SLC24A3: variants seen among roughly 807,000 people sequenced by gnomAD.
SLC24A3 encodes the protein sodium/potassium/calcium exchanger 3.
SLC24A3 carries 28 observed loss-of-function variants against 75.8 expected under a neutral mutation model. The ratio of observed to expected loss-of-function variants is 0.37; its 90% CI spans 0.27 to 0.51. The LOEUF is 0.51. Ranked by LOEUF, SLC24A3 falls within the 20% of genes least tolerant of loss-of-function variation. The pLI is 0.94. For missense variants in SLC24A3, 663 were observed against 847.8 expected (o/e 0.78, Z 2.71); for synonymous variants, 372 against 334.1 (o/e 1.11, Z -1.24).
At chr20:19,566,073 G>A (rs551010116) in intron 3 of SLC24A3, among the ~76,000 whole-genome samples, 27 of 152,294 alleles carry the variant, frequency 1.8e-4, no homozygotes, top group African/African-American at 6.5e-4. Context: ...TCCAGAAGGA[G>A]TACCAGGTAC....
chr20:19,284,608 G>T, intron 2 of SLC24A3: 1 of 152,410 alleles, frequency 6.6e-6, no homozygotes, highest in Non-Finnish European at 1.5e-5. Flanking sequence ...CTGGCTGTCT[G>T]AGTTATGGTG....
intron 1 of SLC24A3, among the ~76,000 whole-genome samples, chr20:19,270,464 G>T (rs1324522812): frequency 6.6e-6 from 1 of 152,146 alleles, no homozygotes; most frequent in Non-Finnish European, 1.5e-5. Flanking sequence ...CAGTTCTGGA[G>T]CCTGGAAGCC....
At chr20:19,502,868 C>CAAAAA (rs368651686) in intron 2 of SLC24A3, among the ~76,000 whole-genome samples, 3 of 72,200 alleles carry the variant, frequency 4.2e-5, no homozygotes, top group Non-Finnish European at 5.5e-5. Context: ...CTGTCTCTAC[C>CAAAAA]AAAAAAAAAA....
intron 2 of SLC24A3, among the ~76,000 whole-genome samples, chr20:19,462,044 G>A (rs565906698): frequency 6.6e-6 from 1 of 152,284 alleles, no homozygotes; most frequent in Non-Finnish European, 1.5e-5. Flanking sequence ...CAGGGAGTCC[G>A]TGTACAGGTA....
At chr20:19,563,110 A>G (rs547880981) in intron 3 of SLC24A3, among the ~76,000 whole-genome samples, 13 of 152,190 alleles carry the variant, frequency 8.5e-5, no homozygotes, top group African/African-American at 2.9e-4. Flanking sequence ...TTATTATACA[A>G]CTGAAGACAA....
chr20:19,357,201 T>TGCTG (rs1238001011), intron 2 of SLC24A3, among the ~76,000 whole-genome samples: 2 of 152,322 alleles, frequency 1.3e-5, no homozygotes, highest in Admixed American at 1.3e-4. Flanking sequence ...AGCCAAGGGA[T>TGCTG]GCTGGCAGCC....
chr20:19,301,447 T>A lies in SLC24A3; in HGVS notation c.271+20360T>A, dbSNP rs762055301. Among the ~76,000 whole-genome samples, 103 of 152,172 alleles carry A rather than the reference T, an allele frequency of 6.8e-4. 4 individuals are homozygous for A. The highest frequency in any genetic ancestry group is 1.9e-4 in the Non-Finnish European group (13 of 68,032). The stretch of plus-strand genomic sequence containing the variant: ...ATCGATAGAATGCTTGGATTTCCTT[T>A]GTAGCATCACCACAGAGTGCTCTTC... On this transcript the variant is annotated intron_variant, in intron 2 of 16. Coordinates refer to ENST00000328041, the MANE Select transcript of SLC24A3 (RefSeq NM_020689.4).
intron 2 of SLC24A3, among the ~76,000 whole-genome samples, chr20:19,350,196 C>G (rs560740890): frequency 1.3e-5 from 2 of 152,112 alleles, no homozygotes; most frequent in South Asian, 4.1e-4. Flanking sequence ...TGGGAAATAA[C>G]TTTTTTATGT....
At chr20:19,510,997 C>T (rs1600259432) in intron 2 of SLC24A3, among the ~76,000 whole-genome samples, 1 of 152,316 alleles carries the variant, frequency 6.6e-6, no homozygotes, top group East Asian at 1.9e-4. Context: ...GTTGAAGGGT[C>T]AGTGCCTTTG....
chr20:19,439,936 G>A (rs1057278554), intron 2 of SLC24A3, among the ~76,000 whole-genome samples: 1 of 152,178 alleles, frequency 6.6e-6, no homozygotes, highest in African/African-American at 2.4e-5. Flanking sequence ...GTGGGAGGGG[G>A]ATGTTAGTGG....
intron 6 of SLC24A3, among the ~76,000 whole-genome samples, chr20:19,594,491 G>C (rs2031424505): frequency 6.6e-6 from 1 of 152,226 alleles, no homozygotes; most frequent in South Asian, 2.1e-4. Flanking sequence ...TTGTGTTCTA[G>C]GGAGAAATGT....
chr20:19,453,935 A>T (rs1418625420), intron 2 of SLC24A3, among the ~76,000 whole-genome samples: 1 of 152,216 alleles, frequency 6.6e-6, no homozygotes, highest in Non-Finnish European at 1.5e-5. Context: ...CAAAGTCTTC[A>T]TTTACTGCAA....
chr20:19,332,345 G>A (rs775831162), intron 2 of SLC24A3, among the ~76,000 whole-genome samples: 1 of 152,088 alleles, frequency 6.6e-6, no homozygotes, highest in Non-Finnish European at 1.5e-5. Context: ...GCAGCTCCCT[G>A]AGCCCCCTTG....
chr20:19,279,905 C>T (rs115659772), intron 1 of SLC24A3, among the ~76,000 whole-genome samples: 3,497 of 152,088 alleles, frequency 0.023, 144 homozygotes, highest in African/African-American at 0.077. Flanking sequence ...TAATATGGGT[C>T]GAGCACCACG....
At chr20:19,485,958 A>T (rs1050218243) in intron 2 of SLC24A3, among the ~76,000 whole-genome samples, 1 of 152,172 alleles carries the variant, frequency 6.6e-6, no homozygotes, top group Non-Finnish European at 1.5e-5. Context: ...GCCTTGGAGG[A>T]GGCCATCAGT....
chr20:19,308,277 A>G (rs889580387), intron 2 of SLC24A3, among the ~76,000 whole-genome samples: 1 of 152,210 alleles, frequency 6.6e-6, no homozygotes, highest in Non-Finnish European at 1.5e-5. Context: ...GATGTCACCA[A>G]CTTCTTGACT....
chr20:19,259,088 T>G (rs761472682), intron 1 of SLC24A3, among the ~76,000 whole-genome samples: 6 of 152,234 alleles, frequency 3.9e-5, no homozygotes, highest in South Asian at 4.1e-4. Context: ...AGAGATAATT[T>G]GCTTCTGAGC....
intron 6 of SLC24A3, among the ~76,000 whole-genome samples, chr20:19,599,936 T>A (rs2122652383): frequency 6.6e-6 from 1 of 152,090 alleles, no homozygotes; most frequent in African/African-American, 2.4e-5. Flanking sequence ...ACCCGCGGAG[T>A]CAAAGCTCAG....
chr20:19,337,384 C>T (rs980188888), intron 2 of SLC24A3, among the ~76,000 whole-genome samples: 1 of 152,044 alleles, frequency 6.6e-6, no homozygotes, highest in Non-Finnish European at 1.5e-5. Context: ...GTGGAGGTTG[C>T]GGTGAGCTGA....
Sources: allele counts gnomAD v4.1 joint callset (sites outside exome capture counted in the v4.1 genomes callset), GRCh38; gene constraint gnomAD v4.1.1; transcripts MANE v1.5; gene names NCBI Gene and HGNC (gene_info 2026-07-23, HGNC 2026-07-21).